Variants in POU2F1 observed in about 807,000 individuals in gnomAD.
POU2F1 encodes the protein POU domain, class 2, transcription factor 1.
A neutral mutation model predicts 84.9 loss-of-function variants in POU2F1; 16 were observed. That is an observed-to-expected ratio of 0.19 (90% CI 0.13 to 0.29). The LOEUF (loss-of-function observed/expected upper bound fraction) is 0.29. Among genes scored for constraint, POU2F1 ranks in the 10% least tolerant of loss-of-function variants. POU2F1 has a pLI of 1.00. For synonymous variants in POU2F1, 368 were observed against 368.3 expected (o/e 1.00, Z 0.01); for missense variants, 738 against 942.6 (o/e 0.78, Z 2.84).
At chr1:167,330,574 ATTAT>A (rs1307022281) in intron 1 of POU2F1, among the ~76,000 whole-genome samples, 1 of 152,198 alleles carries the variant, frequency 6.6e-6, no homozygotes, top group East Asian at 1.9e-4. Context: ...AATAGTAAGT[ATTAT>A]TTAAACAGTC....
intron 1 of POU2F1, among the ~76,000 whole-genome samples, chr1:167,304,081 GACT>G (rs541874108): frequency 9.4e-4 from 143 of 152,180 alleles, no homozygotes; most frequent in Middle Eastern, 6.8e-3. Context: ...ACAGAGATCC[GACT>G]CCAGTTCAGA....
intron 1 of POU2F1, among the ~76,000 whole-genome samples, chr1:167,259,873 T>A (rs1651422355): frequency 6.6e-6 from 1 of 152,070 alleles, no homozygotes; most frequent in Non-Finnish European, 1.5e-5. Context: ...TGCTTATTGA[T>A]CATTGCGTTT....
chr1:167,231,839 T>A (rs1649082383), intron 1 of POU2F1, among the ~76,000 whole-genome samples: 1 of 152,152 alleles, frequency 6.6e-6, no homozygotes, highest in Admixed American at 6.5e-5. Flanking sequence ...ATGTGAAAGA[T>A]GAATAGGAAT....
At chr1:167,299,754 A>G (rs1654540510) in intron 1 of POU2F1, among the ~76,000 whole-genome samples, 1 of 150,724 alleles carries the variant, frequency 6.6e-6, no homozygotes, top group African/African-American at 2.5e-5. Context: ...AGAGTGGGAT[A>G]AAGCATTGCA....
At chr1:167,350,295 TG>T (rs1489761799) in intron 2 of POU2F1, among the ~76,000 whole-genome samples, 3 of 152,226 alleles carry the variant, frequency 2.0e-5, no homozygotes, top group African/African-American at 7.2e-5. Context: ...TGGTCTCCGT[TG>T]AGAATGAATC....
At chr1:167,336,640 TA>T (rs930636333) in intron 2 of POU2F1, among the ~76,000 whole-genome samples, 61 of 151,296 alleles carry the variant, frequency 4.0e-4, no homozygotes, top group African/African-American at 1.2e-3. Flanking sequence ...GACGATTATT[TA>T]AAAAAAAAGA....
At chr1:167,223,434 G>A (rs542356107) in intron 1 of POU2F1, among the ~76,000 whole-genome samples, 2 of 152,018 alleles carry the variant, frequency 1.3e-5, no homozygotes, top group Admixed American at 1.3e-4. Context: ...TTTTGTGTAG[G>A]GGTGTGTGTG....
intron 2 of POU2F1, among the ~76,000 whole-genome samples, chr1:167,341,784 C>T (rs771859197): frequency 1.3e-5 from 2 of 152,158 alleles, no homozygotes; most frequent in African/African-American, 2.4e-5. Flanking sequence ...CCTTGTGCGG[C>T]GTCCAGGAAG....
chr1:167,226,455 A>ATT (rs1387072307), intron 1 of POU2F1, among the ~76,000 whole-genome samples: 1 of 152,206 alleles, frequency 6.6e-6, no homozygotes, highest in Non-Finnish European at 1.5e-5. Flanking sequence ...GAATTGAATA[A>ATT]CTGTAGATTT....
At chr1:167,363,401 G>GT (rs1260538586) in intron 2 of POU2F1, among the ~76,000 whole-genome samples, 1 of 152,060 alleles carries the variant, frequency 6.6e-6, no homozygotes, top group Non-Finnish European at 1.5e-5. Context: ...TTTTATTGAG[G>GT]TATGATTGAC....
intron 4 of POU2F1, among the ~76,000 whole-genome samples, chr1:167,370,614 CTGAGACACAAGGGT>C (rs145220806): frequency 0.017 from 2,580 of 152,232 alleles, 72 homozygotes; most frequent in African/African-American, 0.058. Context: ...GAACACTGGA[CTGAGACACAAGGGT>C]CTTAGGTTTG....
At chr1:167,313,602 G>T (rs1208903377) in intron 1 of POU2F1, among the ~76,000 whole-genome samples, 1 of 151,630 alleles carries the variant, frequency 6.6e-6, no homozygotes, top group Non-Finnish European at 1.5e-5. Flanking sequence ...AATGACTGAA[G>T]AAAAAAACAA....
rs1316472134 is a variant in POU2F1, at chr1:167,416,121, A to AAAAAC, written c.*315_*319dup. The AAAAAC allele has an allele frequency of 2.0e-6, 1 of 489,794 alleles. No homozygotes were observed. 30.3% of individuals were successfully genotyped at this position (489,794 alleles called of 1,614,324 possible). The stretch of plus-strand genomic sequence containing the variant: ...AAAAAAAAAAAGAAACAAAAAAATC[A>AAAAAC]AAAACAAACAAAAATAAGTGAAAGG... On this transcript the variant is annotated 3_prime_UTR_variant, in exon 16 of 16. Transcript: ENST00000367866.
Position 167,396,415 on chromosome 1 carries a change from C to T in POU2F1, c.1117C>T (p.Leu373=). The part of the protein sequence containing the change: ...CKLKPLLEKW[L]NDAENLSSDS... Reference sequence around the variant, plus strand: ...GTTGAAGCCACTTTTAGAGAAGTGGCTAAATGATGCAGGTAAGTGACTGTA... The same window carrying T: ...GTTGAAGCCACTTTTAGAGAAGTGGTTAAATGATGCAGGTAAGTGACTGTA... Residue 373 remains leucine (L), a synonymous_variant, in exon 10 of 16, where the codon CTA becomes TTA. Transcript: ENST00000367866. 1.9e-6 allele frequency: 3 copies of T among 1,613,820 alleles called. No homozygotes were observed. The highest frequency in any genetic ancestry group is 2.5e-6 in the Non-Finnish European group (3 of 1,179,812).
chr1:167,324,193 C>T (rs1188397405), intron 1 of POU2F1, among the ~76,000 whole-genome samples: 1 of 152,100 alleles, frequency 6.6e-6, no homozygotes, highest in Non-Finnish European at 1.5e-5. Flanking sequence ...GCATTATGGA[C>T]TCAGATTGCC....
intron 1 of POU2F1, among the ~76,000 whole-genome samples, chr1:167,292,072 C>T (rs12728308): frequency 0.012 from 1,870 of 151,984 alleles, 15 homozygotes; most frequent in South Asian, 0.032. Context: ...TTTATATTAC[C>T]GTGTCTCAGT....
At chr1:167,295,191 G>A (rs375461521) in intron 1 of POU2F1, among the ~76,000 whole-genome samples, 34 of 151,736 alleles carry the variant, frequency 2.2e-4, no homozygotes, top group East Asian at 7.7e-4. Flanking sequence ...TCTACCCAGA[G>A]GAAAAGAAAT....
intron 1 of POU2F1, among the ~76,000 whole-genome samples, chr1:167,265,171 T>C (rs1651853178): frequency 6.6e-6 from 1 of 152,194 alleles, no homozygotes; most frequent in African/African-American, 2.4e-5. Context: ...TAAGTATTAG[T>C]TGAATGAGTA....
At chr1:167,362,181 T>C (rs1175178836) in intron 2 of POU2F1, among the ~76,000 whole-genome samples, 1 of 152,258 alleles carries the variant, frequency 6.6e-6, no homozygotes, top group Non-Finnish European at 1.5e-5. Flanking sequence ...TAATAACTAC[T>C]TTCTTCTACT....
Sources: gnomAD v4.1 joint callset for allele counts (sites outside exome capture counted in the v4.1 genomes callset) on GRCh38, gnomAD v4.1.1 for gene constraint, MANE v1.5 for transcripts, NCBI Gene and HGNC (gene_info 2026-07-23, HGNC 2026-07-21) for gene names.